Variants in COL6A5 observed in about 807,000 individuals in gnomAD.
COL6A5 encodes collagen type VI alpha 5 chain.
A neutral mutation model predicts 65.6 loss-of-function variants in COL6A5; 48 were observed. The ratio of observed to expected loss-of-function variants is 0.73; its 90% confidence interval spans 0.58 to 0.93. The LOEUF (loss-of-function observed/expected upper bound fraction) is 0.93. Among genes scored for constraint, COL6A5 ranks in the 40% least tolerant of loss-of-function variants. The pLI is 0.00. For synonymous variants in COL6A5, 291 were observed against 322.8 expected (o/e 0.90, Z 1.05); for missense variants, 914 against 928.3 (o/e 0.98, Z 0.20).
At chr3:130,362,676 A>C (rs1029857913) in intron 1 of COL6A5, among the ~76,000 whole-genome samples, 3 of 152,192 alleles carry the variant, frequency 2.0e-5, no homozygotes, top group Non-Finnish European at 4.4e-5. Flanking sequence ...TAACTTGCTG[A>C]CATTGATTGG....
intron 1 of COL6A5, among the ~76,000 whole-genome samples, chr3:130,350,517 C>T (rs1333943070): frequency 1.3e-5 from 2 of 152,134 alleles, no homozygotes; most frequent in Non-Finnish European, 2.9e-5. Context: ...ATGCCAATAA[C>T]AGACAAACAG....
intron 7 of COL6A5, among the ~76,000 whole-genome samples, chr3:130,483,689 A>G (rs1385120060): frequency 6.6e-6 from 1 of 152,176 alleles, no homozygotes; most frequent in East Asian, 1.9e-4. Flanking sequence ...TAATGTTAAA[A>G]AAGAAAGATT....
chr3:130,450,419 C>T (rs746095528), intron 4 of COL6A5, among the ~76,000 whole-genome samples: 3 of 152,078 alleles, frequency 2.0e-5, no homozygotes, highest in Non-Finnish European at 2.9e-5. Flanking sequence ...TCCAGTATGA[C>T]CAAGTTGGCC....
chr3:130,350,800 G>GA (rs939184959), intron 1 of COL6A5, among the ~76,000 whole-genome samples: 5 of 151,558 alleles, frequency 3.3e-5, no homozygotes, highest in African/African-American at 4.8e-5. Flanking sequence ...CATAGAATTG[G>GA]AAAAAAAACT....
chr3:130,384,101 T>G (rs915780134), intron 4 of COL6A5, among the ~76,000 whole-genome samples: 1 of 151,986 alleles, frequency 6.6e-6, no homozygotes, highest in Admixed American at 6.6e-5. Flanking sequence ...GATGACTTGA[T>G]GACATCCATG....
At chr3:130,397,034 A>AT (rs545175111) in intron 8 of COL6A5, among the ~76,000 whole-genome samples, 1 of 151,494 alleles carries the variant, frequency 6.6e-6, no homozygotes, top group South Asian at 2.1e-4. Flanking sequence ...GGCTAATTTT[A>AT]TTTTTGTATT....
At chr3:130,351,168 T>C (rs1934690195) in intron 1 of COL6A5, among the ~76,000 whole-genome samples, 1 of 152,190 alleles carries the variant, frequency 6.6e-6, no homozygotes, top group African/African-American at 2.4e-5. Flanking sequence ...TAATTCAAGA[T>C]GGATTAAAGA....
chr3:130,392,311 G>A (rs1462257252), intron 7 of COL6A5, among the ~76,000 whole-genome samples: 1 of 152,144 alleles, frequency 6.6e-6, no homozygotes, highest in East Asian at 1.9e-4. Flanking sequence ...TTGAACGTAG[G>A]GTAATGGAAG....
At chr3:130,381,300 G>A (rs973026813) in intron 4 of COL6A5, among the ~76,000 whole-genome samples, 1 of 152,034 alleles carries the variant, frequency 6.6e-6, no homozygotes, top group African/African-American at 2.4e-5. Flanking sequence ...TTGATATTAT[G>A]ATCTTTTGTC....
At chr3:130,389,276 C>G (rs1936311818) in intron 6 of COL6A5, 142 bp downstream of exon 6, 2 of 481,344 alleles carry the variant, frequency 4.2e-6, no homozygotes, top group South Asian at 9.9e-5. Context: ...TATTAAAATG[C>G]CTGTGACCTC....
chr3:130,421,742 T>C (rs150530941), intron 27 of COL6A5, among the ~76,000 whole-genome samples: 2 of 152,210 alleles, frequency 1.3e-5, no homozygotes, highest in Non-Finnish European at 1.5e-5. Context: ...ATCCTTCTAA[T>C]TGGGTTCCTC....
intron 1 of COL6A5, among the ~76,000 whole-genome samples, chr3:130,365,567 G>A (rs1246921656): frequency 2.0e-5 from 3 of 152,164 alleles, no homozygotes; most frequent in African/African-American, 7.2e-5. Context: ...GTGAGCCACC[G>A]CGCCTGGCCT....
intron 7 of COL6A5, among the ~76,000 whole-genome samples, chr3:130,472,493 T>C (rs1709976144): frequency 6.6e-6 from 1 of 151,962 alleles, no homozygotes; most frequent in Admixed American, 6.6e-5. Flanking sequence ...CCGGAAGCTA[T>C]TGGCTCTAGG....
At chr3:130,424,484 C>G (rs1467795174) in intron 29 of COL6A5, among the ~76,000 whole-genome samples, 1 of 152,098 alleles carries the variant, frequency 6.6e-6, no homozygotes, top group Non-Finnish European at 1.5e-5. Context: ...ACATGTCTGT[C>G]TCTCCTAACA....
At chr3:130,382,480 C>CTTAA (rs113037664) in intron 4 of COL6A5, among the ~76,000 whole-genome samples, 46,484 of 151,860 alleles carry the variant, frequency 0.31, 8,352 homozygotes, top group East Asian at 0.5. Context: ...CTGTTTTAAA[C>CTTAA]TTAGAGTCTT....
intron 7 of COL6A5, among the ~76,000 whole-genome samples, chr3:130,479,380 A>C (rs1231340339): frequency 1.3e-5 from 2 of 152,056 alleles, no homozygotes; most frequent in African/African-American, 4.8e-5. Flanking sequence ...ATAGCAGCCT[A>C]AATGGACTAA....
chr3:130,477,975 T>A (rs1710139844), intron 7 of COL6A5, among the ~76,000 whole-genome samples: 2 of 152,096 alleles, frequency 1.3e-5, no homozygotes, highest in Non-Finnish European at 1.5e-5. Flanking sequence ...TAGTATTTTG[T>A]AGAAAACACT....
At chr3:130,426,979 A>G (rs1398417240), upstream of COL6A5, among the ~76,000 whole-genome samples, 1 of 152,222 alleles carries the variant, frequency 6.6e-6, no homozygotes, top group Non-Finnish European at 1.5e-5. Flanking sequence ...CAAAAGAAAG[A>G]AAAAATATAG....
chr3:130,481,403 C>T (rs938763331), intron 7 of COL6A5, among the ~76,000 whole-genome samples: 14 of 152,124 alleles, frequency 9.2e-5, no homozygotes, highest in Non-Finnish European at 2.1e-4. Context: ...GCATAGTATT[C>T]CATGGTGTAT....
Sources: allele counts gnomAD v4.1 joint callset (sites outside exome capture counted in the v4.1 genomes callset), GRCh38; gene constraint gnomAD v4.1.1; transcripts MANE v1.5; gene names NCBI Gene and HGNC (gene_info 2026-07-23, HGNC 2026-07-21).